Variants in BLK observed in about 807,000 individuals in gnomAD.
BLK encodes tyrosine-protein kinase Blk.
A neutral mutation model predicts 61.8 loss-of-function variants in BLK; 64 were observed. The ratio of observed to expected loss-of-function variants is 1.03; its 90% CI spans 0.85 to 1.27. The LOEUF is 1.27. BLK is among the 50% of genes most tolerant of loss of function. The pLI, the probability that BLK is intolerant of heterozygous loss-of-function variation, is 0.00. For missense variants in BLK, 853 were observed against 660.5 expected (o/e 1.29, Z -3.19); for synonymous variants, 351 against 272.0 (o/e 1.29, Z -2.86).
intron 1 of BLK, among the ~76,000 whole-genome samples, chr8:11,503,396 G>T (rs926505344): frequency 5.9e-5 from 9 of 152,148 alleles, no homozygotes; most frequent in African/African-American, 2.2e-4. Flanking sequence ...TGATCAGAAA[G>T]ATCTGGGGGT....
At chr8:11,541,556 G>T (rs2117438190) in intron 1 of BLK, among the ~76,000 whole-genome samples, 1 of 151,190 alleles carries the variant, frequency 6.6e-6, no homozygotes, top group South Asian at 2.1e-4. Context: ...GGAGTGCAAT[G>T]GCATGATCTT....
chr8:11,550,290 C>T (rs749767816), intron 6 of BLK, 28 bp downstream of exon 6: 2 of 1,606,354 alleles, frequency 1.2e-6, no homozygotes, highest in East Asian at 4.5e-5. Context: ...GCCTGCCTTC[C>T]TTGCCCTGCT....
At chr8:11,553,435 G>A (rs1347377789) in intron 6 of BLK, 1 of 435,910 alleles carries the variant, frequency 2.3e-6, no homozygotes, top group Non-Finnish European at 4.6e-6. Context: ...TCTTTACAAA[G>A]GACACCAAAT....
At chr8:11,502,377 C>T (rs1798596653) in intron 1 of BLK, among the ~76,000 whole-genome samples, 2 of 151,882 alleles carry the variant, frequency 1.3e-5, no homozygotes, top group African/African-American at 4.8e-5. Flanking sequence ...GATCTCTGGT[C>T]ACTGCAACTT....
intron 2 of BLK, among the ~76,000 whole-genome samples, chr8:11,544,058 A>G (rs1585389015): frequency 6.6e-6 from 1 of 150,880 alleles, no homozygotes. Flanking sequence ...TGCCTCCTGG[A>G]TTCAAGTGAT....
intron 1 of BLK, among the ~76,000 whole-genome samples, chr8:11,520,880 A>G (rs1172276153): frequency 6.6e-6 from 1 of 152,248 alleles, no homozygotes; most frequent in African/African-American, 2.4e-5. Context: ...CAACAATAAC[A>G]TTAGCAATGC....
At chr8:11,546,939 T>C (rs1039690189) in intron 3 of BLK, among the ~76,000 whole-genome samples, 1 of 152,160 alleles carries the variant, frequency 6.6e-6, no homozygotes, top group African/African-American at 2.4e-5. Context: ...GAGCTCAGCC[T>C]TTCTGGGCCA....
chr8:11,561,262 G>C (rs374531191), intron 10 of BLK, 40 bp from the exon 11 acceptor site: 1 of 1,600,602 alleles, frequency 6.2e-7, no homozygotes, highest in Non-Finnish European at 8.5e-7. Flanking sequence ...TTGGCGTGGA[G>C]GCCCCCAGGC....
chr8:11,550,798 G>A lies in BLK; in HGVS notation c.472+536G>A, dbSNP rs564361146. On this transcript the variant is annotated intron_variant, in intron 6 of 12. Transcript: ENST00000259089. ...AAAACAGCTGCCATCACCCTCAGGG[G>A]TTTTCTCTCTTTCTCTGTCATTTGG... Among the ~76,000 whole-genome samples the A allele has an allele frequency of 4.6e-5, 7 of 152,328 alleles. No individual in the cohort carries two copies. The South Asian group carries it at 1.4e-3, about 32-fold the overall frequency.
intron 1 of BLK, among the ~76,000 whole-genome samples, chr8:11,505,437 G>A (rs1245449607): frequency 6.6e-6 from 1 of 152,116 alleles, no homozygotes; most frequent in East Asian, 1.9e-4. Flanking sequence ...AGGGTGACCT[G>A]GACACTCATA....
At chr8:11,560,572 G>T in intron 10 of BLK, 1 of 312,206 alleles carries the variant, frequency 3.2e-6, no homozygotes, top group South Asian at 2.8e-5. Flanking sequence ...GGTGAATAAA[G>T]CCTTAGTTTC....
chr8:11,548,770 G>C (rs1033505996), intron 4 of BLK, among the ~76,000 whole-genome samples: 2 of 152,242 alleles, frequency 1.3e-5, no homozygotes, highest in African/African-American at 4.8e-5. Context: ...TCATCAAGAG[G>C]AAGGCTGCTG....
intron 1 of BLK, among the ~76,000 whole-genome samples, chr8:11,518,652 C>T (rs1001739561): frequency 4.6e-5 from 7 of 152,198 alleles, no homozygotes; most frequent in African/African-American, 1.7e-4. Flanking sequence ...CAATCTCCTC[C>T]ACACAACAGC....
chr8:11,528,328 A>C (rs573490756), intron 1 of BLK, among the ~76,000 whole-genome samples: 3 of 152,238 alleles, frequency 2.0e-5, no homozygotes, highest in Admixed American at 6.5e-5. Context: ...GAGCCACTGC[A>C]CTTGATGATC....
chr8:11,501,954 G>C (rs994363503), intron 1 of BLK, among the ~76,000 whole-genome samples: 1 of 152,210 alleles, frequency 6.6e-6, no homozygotes, highest in African/African-American at 2.4e-5. Flanking sequence ...GCTCTTTTAA[G>C]CATAGAAAAT....
rs564021123 is a variant in BLK at position 11,545,958 on chromosome 8, G to C, written c.124-94G>C. 131 of 1,345,348 alleles carry C rather than the reference G, an allele frequency of 9.7e-5. No individual in the cohort carries two copies. In the African/African-American group the frequency reaches 1.8e-3, roughly 18 times the overall value. 83.3% of individuals were successfully genotyped at this position (1,345,348 alleles called of 1,614,324 possible). A position where few individuals can be genotyped will look rare whatever the true frequency, so the allele number is the denominator to read the frequency against. On this transcript the variant is annotated intron_variant, in intron 2 of 12. Transcript: ENST00000259089. ...TCTCCTCCTTCAGTAGGTCCCTGGAGATACCCTGGCTGCCCGGCTCAGCAG... is the reference window on the plus strand; with the variant it reads ...TCTCCTCCTTCAGTAGGTCCCTGGACATACCCTGGCTGCCCGGCTCAGCAG...
chr8:11,522,306 C>CA (rs1222234482), intron 1 of BLK, among the ~76,000 whole-genome samples: 1 of 152,088 alleles, frequency 6.6e-6, no homozygotes, highest in Non-Finnish European at 1.5e-5. Context: ...CAAATTAAAA[C>CA]AAAAAGATTT....
At chr8:11,518,318 A>C (rs1162312631) in intron 1 of BLK, among the ~76,000 whole-genome samples, 1 of 152,166 alleles carries the variant, frequency 6.6e-6, no homozygotes, top group Non-Finnish European at 1.5e-5. Context: ...GTGAATACGC[A>C]CTTTCGTGTG....
At position 11,549,132 on chromosome 8, in the gene BLK, C is replaced by T. The variant is rs1800790482; in HGVS notation, c.368+10C>T. ...GCCTGGAAATGGAAAGGTAGGTGGG[C>T]ACGGGAACCCCCCTCGAGCCAAGAT... On this transcript the variant is annotated intron_variant, in intron 5 of 12. Coordinates refer to ENST00000259089, the MANE Select transcript of BLK (RefSeq NM_001715.3). The T allele has an allele frequency of 1.3e-6, 2 of 1,590,790 alleles. No individual in the cohort carries two copies. Among genetic ancestry groups the T allele is most frequent in the South Asian group, 1.1e-5 (1 of 87,024 alleles).
Sources: gnomAD v4.1 joint callset for allele counts (sites outside exome capture counted in the v4.1 genomes callset) on GRCh38, gnomAD v4.1.1 for gene constraint, MANE v1.5 for transcripts, NCBI Gene and HGNC (gene_info 2026-07-23, HGNC 2026-07-21) for gene names.